TRIM37: variants seen among roughly 807,000 people sequenced by gnomAD.
TRIM37 encodes tripartite motif containing 37, also known as E3 ubiquitin-protein ligase TRIM37.
In TRIM37, 80 loss-of-function variants were observed where a neutral mutation model predicts 129.8. That is an observed-to-expected ratio of 0.62 (90% CI 0.51 to 0.74). The LOEUF (loss-of-function observed/expected upper bound fraction) is 0.74. Among genes scored for constraint, TRIM37 ranks in the 30% least tolerant of loss-of-function variants. TRIM37 has a pLI of 0.00. For missense variants in TRIM37, 1,054 were observed against 1,176.5 expected, an observed-to-expected ratio of 0.90 and a Z score of 1.52; for synonymous variants, 389 against 387.1, an observed-to-expected ratio of 1.00 and a Z score of -0.06.
At chr17:58,969,634 C>A in the TRIM37 span, 140 of 1,614,108 alleles carry the variant, frequency 8.7e-5, 1 homozygote, top group African/African-American at 1.7e-3. Flanking sequence ...TTAACTTAGT[C>A]CGCCAGGAGA....
chr17:59,000,705 T>C (rs1466925029), intron 23 of TRIM37, among the ~76,000 whole-genome samples: 2 of 151,610 alleles, frequency 1.3e-5, no homozygotes, highest in Admixed American at 6.6e-5. Context: ...TTTTTGGGGG[T>C]AGGAGGGAAT....
chr17:58,973,124 T>C, the TRIM37 span, among the ~76,000 whole-genome samples: 1 of 152,182 alleles, frequency 6.6e-6, no homozygotes, highest in East Asian at 1.9e-4. Context: ...AATTCCATTA[T>C]TGAAAGAGAA....
At chr17:59,101,677 A>AAAAT (rs1568265833) in intron 2 of TRIM37, among the ~76,000 whole-genome samples, 63 of 101,550 alleles carry the variant, frequency 6.2e-4, no homozygotes, top group African/African-American at 2.0e-3. Flanking sequence ...AAAAAAAAAA[A>AAAAT]ATATATATAT....
rs766696741 is a variant in TRIM37, at chr17:59,015,840, A to G, written c.2387-41T>C. ...GATGGAATACAAAAATTAGCTGGGC[A>G]TGGTGGTGTGCGCCTGTAATCCCAG... On this transcript the variant is annotated intron_variant, in intron 20 of 23. Transcript: ENST00000262294. 3.1e-6 allele frequency: 5 copies of G among 1,593,220 alleles called. No individual in the cohort carries two copies. The African/African-American group carries it at 6.7e-5, about 21-fold the overall frequency.
chr17:59,076,258 C>T (rs930247208), intron 7 of TRIM37, among the ~76,000 whole-genome samples: 1 of 152,250 alleles, frequency 6.6e-6, no homozygotes, highest in Middle Eastern at 3.4e-3. Context: ...CAAATTATTA[C>T]TGGCCGGGGC....
intron 9 of TRIM37, among the ~76,000 whole-genome samples, chr17:59,065,191 C>G (rs1261396558): frequency 6.6e-6 from 1 of 152,056 alleles, no homozygotes; most frequent in Non-Finnish European, 1.5e-5. Flanking sequence ...GAAAAAGAAA[C>G]TGACGCTTAG....
At chr17:59,054,487 A>G (rs755921333) in intron 13 of TRIM37, among the ~76,000 whole-genome samples, 1 of 151,952 alleles carries the variant, frequency 6.6e-6, no homozygotes, top group Non-Finnish European at 1.5e-5. Flanking sequence ...TTTTTAGTAG[A>G]GACAGGGTTT....
chr17:59,054,223 T>A, intron 13 of TRIM37, among the ~76,000 whole-genome samples: 1 of 152,242 alleles, frequency 6.6e-6, no homozygotes, highest in Non-Finnish European at 1.5e-5. Flanking sequence ...CATATTTTAA[T>A]CTTTTTTAAA....
Position 58,999,245 on chromosome 17 carries a change from T to C in TRIM37, c.*132A>G. ...GTGCCACCTTCCAACAGTTTCCAAA[T>C]TACTATTTCAGGTCGAGATAATGAA... On this transcript the variant is annotated 3_prime_UTR_variant, in exon 24 of 24. Transcript: ENST00000262294. 2 of 1,586,478 alleles carry C rather than the reference T, an allele frequency of 1.3e-6. No individual in the cohort carries two copies. The highest frequency in any genetic ancestry group is 2.3e-5 in the East Asian group (1 of 43,752).
chr17:59,030,804 T>C (rs2037762534), intron 18 of TRIM37, among the ~76,000 whole-genome samples: 1 of 152,210 alleles, frequency 6.6e-6, no homozygotes, highest in Non-Finnish European at 1.5e-5. Context: ...AAATTACAAG[T>C]TTAAAGGATA....
chr17:59,092,054 C>T (rs1279734929), intron 2 of TRIM37, among the ~76,000 whole-genome samples: 5 of 150,958 alleles, frequency 3.3e-5, no homozygotes, highest in Admixed American at 2.0e-4. Flanking sequence ...TAAATTAAAC[C>T]GAAAAAAATG....
downstream of TRIM37, among the ~76,000 whole-genome samples, chr17:58,994,521 T>G (rs570502836): frequency 6.6e-6 from 1 of 152,200 alleles, no homozygotes; most frequent in African/African-American, 2.4e-5. Flanking sequence ...TAAGACTTCA[T>G]AGCTGCAGTA....
At chr17:59,091,394 AT>A in intron 2 of TRIM37, 54 bp from the exon 3 acceptor site, 1 of 619,478 alleles carries the variant, frequency 1.6e-6, no homozygotes, top group Non-Finnish European at 2.2e-6. Flanking sequence ...CTATATATAT[AT>A]ATTACTTAAT....
intron 22 of TRIM37, among the ~76,000 whole-genome samples, chr17:59,007,453 C>A (rs1013757864): frequency 1.3e-5 from 2 of 152,034 alleles, no homozygotes; most frequent in Non-Finnish European, 2.9e-5. Context: ...CTTTGTATTC[C>A]TCTTAAAGAG....
chr17:59,021,160 C>T (rs1366747638), intron 19 of TRIM37, among the ~76,000 whole-genome samples: 1 of 152,126 alleles, frequency 6.6e-6, no homozygotes, highest in African/African-American at 2.4e-5. Flanking sequence ...GTAAGCCCGA[C>T]TCAAGTGGAT....
chr17:59,081,049 A>C, intron 6 of TRIM37, 48 bp downstream of exon 6: 1 of 1,191,572 alleles, frequency 8.4e-7, no homozygotes, highest in Non-Finnish European at 1.1e-6. Context: ...ATATTATTAT[A>C]TATTACAGAT....
chr17:58,967,798 T>C, the TRIM37 span, among the ~76,000 whole-genome samples: 2 of 151,252 alleles, frequency 1.3e-5, no homozygotes, highest in Non-Finnish European at 1.5e-5. Context: ...CAGCATTCTT[T>C]ATTTCTTTTT....
At chr17:59,094,157 G>A (rs1274555144) in intron 2 of TRIM37, among the ~76,000 whole-genome samples, 1 of 152,094 alleles carries the variant, frequency 6.6e-6, no homozygotes, top group East Asian at 1.9e-4. Context: ...GCCTCCCAAA[G>A]TGCTGGGATT....
intron 17 of TRIM37, among the ~76,000 whole-genome samples, chr17:59,040,718 A>G (rs2039045141): frequency 1.3e-5 from 2 of 152,214 alleles, no homozygotes; most frequent in Non-Finnish European, 2.9e-5. Flanking sequence ...GGTGAGGACT[A>G]GTATTTAAGA....
Sources: gnomAD v4.1 joint callset for allele counts (sites outside exome capture counted in the v4.1 genomes callset) on GRCh38, gnomAD v4.1.1 for gene constraint, MANE v1.5 for transcripts, NCBI Gene and HGNC (gene_info 2026-07-23, HGNC 2026-07-21) for gene names.